MYLK4: variants seen among roughly 807,000 people sequenced by gnomAD.
MYLK4 encodes caMLCK like.
Under a neutral mutation model 48.1 loss-of-function variants are expected in MYLK4, and 46 were observed. The observed-to-expected ratio is 0.96, with a 90% CI of 0.75 to 1.22. MYLK4 has a LOEUF of 1.22. Among genes scored for constraint, MYLK4 ranks in the 50% most tolerant of loss-of-function variants. MYLK4 has a pLI of 0.00. For missense variants in MYLK4, 451 were observed against 486.1 expected, an observed-to-expected ratio of 0.93 and a Z score of 0.68; for synonymous variants, 170 against 180.8, an observed-to-expected ratio of 0.94 and a Z score of 0.48.
At position 2,665,709 on chromosome 6, in the gene MYLK4, G is replaced by A. The variant is rs1295772035; in HGVS notation, c.*2216C>T. On this transcript the variant is annotated 3_prime_UTR_variant, in exon 13 of 13. Coordinates refer to ENST00000274643, the MANE Select transcript of MYLK4 (RefSeq NM_001012418.5). ...AAGATCTCCTGCTTGATTTGGTAGA[G>A]AATGCACACCACAGGACAGAAAACG... is the stretch of plus-strand genomic sequence containing the variant. 1 of 152,200 alleles carries A rather than the reference G, an allele frequency of 6.6e-6. No individual in the cohort carries two copies. Among genetic ancestry groups the A allele is most frequent in the Admixed American group, 6.5e-5 (1 of 15,282 alleles). The allele number at this position is 152,200 out of a possible 1,614,324, so 9.4% of individuals were successfully genotyped here.
intron 2 of MYLK4, among the ~76,000 whole-genome samples, chr6:2,731,197 C>T (rs35958510): frequency 0.035 from 5,300 of 152,196 alleles, 246 homozygotes; most frequent in East Asian, 0.27. Flanking sequence ...AGCATAATTT[C>T]GTTTCTAAGA....
chr6:2,688,805 G>A (rs775310566), intron 4 of MYLK4, 46 bp downstream of exon 4: 14 of 1,469,840 alleles, frequency 9.5e-6, no homozygotes, highest in East Asian at 6.8e-5. Flanking sequence ...TCATTTGCAC[G>A]CTCTCTTCTT....
chr6:2,722,576 A>C (rs1196039018), intron 2 of MYLK4, among the ~76,000 whole-genome samples: 1 of 151,230 alleles, frequency 6.6e-6, no homozygotes, highest in Non-Finnish European at 1.5e-5. Flanking sequence ...AAAATAGAAG[A>C]GACCTAATCC....
At chr6:2,684,512 G>A (rs1032538288) in intron 6 of MYLK4, among the ~76,000 whole-genome samples, 3 of 152,048 alleles carry the variant, frequency 2.0e-5, no homozygotes, top group Admixed American at 6.6e-5. Flanking sequence ...TCACAATATC[G>A]ATTCAGTGTT....
At chr6:2,766,855 A>G in the MYLK4 span, among the ~76,000 whole-genome samples, 2 of 152,038 alleles carry the variant, frequency 1.3e-5, no homozygotes, top group Non-Finnish European at 2.9e-5. Context: ...GTACATAATA[A>G]CGGATTCAGC....
chr6:2,734,440 G>C (rs1012207368), intron 2 of MYLK4, among the ~76,000 whole-genome samples: 1 of 152,126 alleles, frequency 6.6e-6, no homozygotes, highest in Non-Finnish European at 1.5e-5. Context: ...TCTCACCCGG[G>C]CTTATCTAAC....
the MYLK4 span, chr6:2,765,395 A>G: frequency 1.0e-5 from 4 of 391,010 alleles, no homozygotes; most frequent in African/African-American, 8.5e-5. Flanking sequence ...CACGAACTAC[A>G]CTTCCCGACA....
In MYLK4 at chr6:2,680,611, C is replaced by T. The variant is rs376257101; in HGVS notation, c.688-320G>A. Reference sequence around the variant, plus strand: ...CCTTCCCAAATGTGCTGTGGAGGCCCGCTCAGGCCTGACATCTGCCCCTCT... The same window carrying T: ...CCTTCCCAAATGTGCTGTGGAGGCCTGCTCAGGCCTGACATCTGCCCCTCT... On this transcript the variant is annotated intron_variant, in intron 7 of 12. Coordinates refer to ENST00000274643, the MANE Select transcript of MYLK4 (RefSeq NM_001012418.5). 8.3e-5 allele frequency: 80 copies of T among 969,372 alleles called. No individual in the cohort carries two copies. The African/African-American group carries it at 1.1e-3, about 13-fold the overall frequency. The allele number at this position is 969,372 out of a possible 1,614,324, so 60.0% of individuals were successfully genotyped here.
intron 10 of MYLK4, among the ~76,000 whole-genome samples, chr6:2,677,881 C>G (rs185458040): frequency 2.6e-5 from 4 of 152,302 alleles, no homozygotes; most frequent in Admixed American, 2.6e-4. Context: ...GATTCAGCTA[C>G]ACGGAACCAT....
chr6:2,726,845 T>G (rs1164499322), intron 2 of MYLK4, among the ~76,000 whole-genome samples: 1 of 152,120 alleles, frequency 6.6e-6, no homozygotes, highest in Non-Finnish European at 1.5e-5. Flanking sequence ...ACTCCTGACC[T>G]CAGGTGATCC....
chr6:2,686,448 G>A (rs1561839574), intron 4 of MYLK4, among the ~76,000 whole-genome samples: 3 of 152,190 alleles, frequency 2.0e-5, no homozygotes, highest in Admixed American at 1.3e-4. Context: ...TCTTACCTAC[G>A]TAATCACATA....
the MYLK4 span, chr6:2,766,059 C>T: frequency 4.6e-6 from 6 of 1,294,194 alleles, no homozygotes; most frequent in Non-Finnish European, 5.9e-6. Flanking sequence ...CCGGCGGCCG[C>T]CGCCGCGGCG....
At position 2,665,263 on chromosome 6, in the gene MYLK4, C is replaced by T. The variant is rs1431587945; in HGVS notation, c.*2662G>A. ...ATTAGAGCAGCAGTCTACCTAGTTA[C>T]CAGCTCTCGCTGGAGCAGCCACACA... On this transcript the variant is annotated 3_prime_UTR_variant, in exon 13 of 13. Coordinates refer to ENST00000274643, the MANE Select transcript of MYLK4 (RefSeq NM_001012418.5). The T allele has an allele frequency of 1.3e-5, 2 of 152,344 alleles. No individual in the cohort carries two copies. The highest frequency in any genetic ancestry group is 4.8e-5 in the African/African-American group (2 of 41,450). The allele number at this position is 152,344 out of a possible 1,614,324, so 9.4% of individuals were successfully genotyped here.
At position 2,701,960 on chromosome 6, in the gene MYLK4, C is replaced by A. The variant is rs141029355; in HGVS notation, c.160-9101G>T. Among the ~76,000 whole-genome samples, 257 of 152,340 alleles carry A rather than the reference C, an allele frequency of 1.7e-3. 1 individual carries two copies. Among genetic ancestry groups the A allele is most frequent in the African/African-American group, 5.8e-3 (243 of 41,584 alleles). ...TCTATTTACATCTTGCCTCCATCCACAAGGCGTCTGAAGAGCTAATCTCGT... is the reference window on the plus strand; with the variant it reads ...TCTATTTACATCTTGCCTCCATCCAAAAGGCGTCTGAAGAGCTAATCTCGT... On this transcript the variant is annotated intron_variant, in intron 2 of 12. Transcript: ENST00000274643.
intron 2 of MYLK4, among the ~76,000 whole-genome samples, chr6:2,745,098 C>G (rs1217978759): frequency 6.6e-6 from 1 of 152,072 alleles, no homozygotes; most frequent in Non-Finnish European, 1.5e-5. Context: ...GCCTCAGGAG[C>G]AGGGATGGGG....
intron 12 of MYLK4, among the ~76,000 whole-genome samples, chr6:2,669,191 G>T (rs1760783194): frequency 6.6e-6 from 1 of 152,244 alleles, no homozygotes; most frequent in South Asian, 2.1e-4. Flanking sequence ...GCCAAATGGG[G>T]CTGAAGAGTG....
chr6:2,735,395 T>C (rs1763635402), intron 2 of MYLK4, among the ~76,000 whole-genome samples: 1 of 151,960 alleles, frequency 6.6e-6, no homozygotes, highest in Non-Finnish European at 1.5e-5. Context: ...GGGAAAAATA[T>C]ACAAACGCTA....
chr6:2,770,259 T>TG, the MYLK4 span: 1 of 1,613,996 alleles, frequency 6.2e-7, no homozygotes, highest in Non-Finnish European at 8.5e-7. Flanking sequence ...GTAGAGGCAA[T>TG]GGTGACTATT....
At chr6:2,719,800 T>C (rs1459380843) in intron 2 of MYLK4, among the ~76,000 whole-genome samples, 1 of 152,158 alleles carries the variant, frequency 6.6e-6, no homozygotes, top group Non-Finnish European at 1.5e-5. Flanking sequence ...CTCAAGTGTG[T>C]GCCATATCAG....
Sources: allele counts gnomAD v4.1 joint callset (sites outside exome capture counted in the v4.1 genomes callset), GRCh38; gene constraint gnomAD v4.1.1; transcripts MANE v1.5; gene names NCBI Gene and HGNC (gene_info 2026-07-23, HGNC 2026-07-21).